Variants in ANGPT2 observed in about 807,000 individuals in gnomAD.
The protein encoded by ANGPT2 is angiopoietin-2.
A neutral mutation model predicts 62.9 loss-of-function variants in ANGPT2; 28 were observed. The observed-to-expected ratio is 0.44, with a 90% confidence interval of 0.33 to 0.61. The LOEUF (loss-of-function observed/expected upper bound fraction) is 0.61, where lower values mean the gene tolerates loss of function less well. Ranked by LOEUF, ANGPT2 falls within the 20% of genes least tolerant of loss-of-function variation. The probability of loss-of-function intolerance (pLI) is 0.03; values close to 1 mark genes in which losing one functional copy is unlikely to be tolerated. For missense variants in ANGPT2, 727 were observed against 594.9 expected (o/e 1.22, Z -2.31); for synonymous variants, 284 against 207.8 (o/e 1.37, Z -3.15).
intron 1 of ANGPT2, among the ~76,000 whole-genome samples, chr8:6,555,555 G>T (rs1356254693): frequency 6.6e-6 from 1 of 151,516 alleles, no homozygotes; most frequent in African/African-American, 2.4e-5. Context: ...TGTGCCTCCT[G>T]GGTTCAAATG....
chr8:6,532,265 T>C (rs1767671997), intron 2 of ANGPT2, 67 bp downstream of exon 2: 2 of 1,586,668 alleles, frequency 1.3e-6, no homozygotes, highest in Admixed American at 3.5e-5. Context: ...TTGAGGAAGC[T>C]CCTGACGCGA....
chr8:6,527,724 T>C, intron 2 of ANGPT2, 48 bp from the exon 3 acceptor site: 2 of 1,488,594 alleles, frequency 1.3e-6, no homozygotes, highest in South Asian at 1.3e-5. Flanking sequence ...TTAATTAGTT[T>C]AACTTTCTAA....
chr8:6,548,044 G>C (rs1822927099), intron 1 of ANGPT2, among the ~76,000 whole-genome samples: 1 of 152,132 alleles, frequency 6.6e-6, no homozygotes, highest in African/African-American at 2.4e-5. Context: ...CCAAGTGCCA[G>C]CTTAAACTTT....
At chr8:6,512,630 A>T (rs976707658) in intron 7 of ANGPT2, among the ~76,000 whole-genome samples, 1 of 152,106 alleles carries the variant, frequency 6.6e-6, no homozygotes, top group Non-Finnish European at 1.5e-5. Context: ...GAGTGCCTCT[A>T]TGTGCCTTGT....
intron 1 of ANGPT2, 73 bp downstream of exon 1, chr8:6,562,574 T>TTTTTAAAAAA: frequency 1.7e-6 from 1 of 583,796 alleles, no homozygotes; most frequent in Non-Finnish European, 2.6e-6. Flanking sequence ...TTTTTTTTGG[T>TTTTTAAAAAA]TGTTAAAACC....
chr8:6,542,876 C>T (rs949113180), intron 1 of ANGPT2, among the ~76,000 whole-genome samples: 4 of 152,114 alleles, frequency 2.6e-5, no homozygotes, highest in African/African-American at 9.7e-5. Flanking sequence ...AAAAGGCTAG[C>T]GAAACTTAGA....
rs928756380 is a variant in ANGPT2, at chr8:6,500,719, G to A, written c.*2382C>T. The A allele has an allele frequency of 2.0e-5, 3 of 152,154 alleles. No homozygotes were observed. The highest frequency in any genetic ancestry group is 7.2e-5 in the African/African-American group (3 of 41,438). The allele number at this position is 152,154 out of a possible 1,614,324, so 9.4% of individuals were successfully genotyped here. A position where few individuals can be genotyped will look rare whatever the true frequency, so the allele number is the denominator to read the frequency against. On this transcript the variant is annotated 3_prime_UTR_variant, in exon 9 of 9. Transcript: ENST00000629816. The stretch of plus-strand genomic sequence containing the variant: ...AGCTTTATAAACATTTTCTTAAGGA[G>A]AGACAAAAGCTCCTCTCAGCAAAAC...
chr8:6,504,662 A>G (rs1439632279), intron 8 of ANGPT2, among the ~76,000 whole-genome samples: 1 of 152,186 alleles, frequency 6.6e-6, no homozygotes, highest in African/African-American at 2.4e-5. Flanking sequence ...TGACTTAATA[A>G]GGAGAGAAAA....
chr8:6,518,251 C>G (rs905215079), intron 5 of ANGPT2, among the ~76,000 whole-genome samples: 1 of 152,150 alleles, frequency 6.6e-6, no homozygotes, highest in African/African-American at 2.4e-5. Flanking sequence ...CACTCCTGTC[C>G]CCAGGCCAAG....
chr8:6,561,796 A>G (rs897559918), intron 1 of ANGPT2, among the ~76,000 whole-genome samples: 2 of 152,156 alleles, frequency 1.3e-5, no homozygotes, highest in Non-Finnish European at 2.9e-5. Context: ...AAAATTATTT[A>G]TGAAAGAAAA....
chr8:6,541,346 G>A (rs1436229933), intron 1 of ANGPT2, among the ~76,000 whole-genome samples: 1 of 152,184 alleles, frequency 6.6e-6, no homozygotes. Context: ...AGGCTAGTGG[G>A]TAACTCGGGG....
Position 6,503,155 on chromosome 8 carries a change from G to C in ANGPT2, c.1434C>G (p.Gly478=), listed in dbSNP as rs781086750. The C allele has an allele frequency of 6.8e-6, 11 of 1,614,078 alleles. No homozygotes were observed. The Admixed American group carries it at 1.8e-4, about 27-fold the overall frequency. The change falls in exon 9 of 9, where the codon GGC becomes GGG. Residue 478 remains glycine (G), a synonymous_variant. Transcript: ENST00000629816. ...TTGTGGCCTTGAGCGAATAGCCTGA[G>C]CCTTTCCAGTAGTACCATTTAATGC... ...FNGIKWYYWK[G]SGYSLKATTM...
chr8:6,532,234 C>A lies in ANGPT2; in HGVS notation c.444+98G>T, dbSNP rs1586425219. ...TCCTTTTCTCCTGTGGTGGTGCTTT[C>A]TTTAGTTTCTCATGCCTTCATTGAG... On this transcript the variant is annotated intron_variant, in intron 2 of 8. Transcript: ENST00000629816. 20 of 1,396,142 alleles carry A rather than the reference C, an allele frequency of 1.4e-5. No homozygotes were observed. The East Asian group carries it at 4.6e-4, about 32-fold the overall frequency. 86.5% of individuals were successfully genotyped at this position (1,396,142 alleles called of 1,614,324 possible).
chr8:6,545,063 G>A (rs918452274), intron 1 of ANGPT2, among the ~76,000 whole-genome samples: 4 of 152,014 alleles, frequency 2.6e-5, no homozygotes, highest in Admixed American at 2.6e-4. Context: ...ACATCATGTT[G>A]GGTCACAGAA....
chr8:6,513,368 T>A (rs950494324), intron 7 of ANGPT2, among the ~76,000 whole-genome samples: 2 of 151,370 alleles, frequency 1.3e-5, no homozygotes, highest in Admixed American at 1.3e-4. Context: ...AGTCTTGCTC[T>A]GTCGCCCAGG....
At position 6,524,768 on chromosome 8, in the gene ANGPT2, A is replaced by C. The variant is rs200617472; in HGVS notation, c.566+2787T>G. On this transcript the variant is annotated intron_variant, in intron 3 of 8. Coordinates refer to ENST00000629816, the MANE Select transcript of ANGPT2 (RefSeq NM_001118887.2). ...TTGAGGAAAAACTACCCTTGTGGCC[A>C]TGTAAGGTCTGTAAATAGAAGTTAT... Among the ~76,000 whole-genome samples, 12 of 152,344 alleles carry C rather than the reference A, an allele frequency of 7.9e-5. No homozygotes were observed. In the East Asian group the frequency reaches 1.5e-3, roughly 20 times the overall value.
intron 6 of ANGPT2, among the ~76,000 whole-genome samples, 180 bp from the exon 7 acceptor site, chr8:6,514,024 C>T (rs2442628): frequency 0.092 from 13,964 of 152,136 alleles, 892 homozygotes; most frequent in African/African-American, 0.18. Context: ...AGTTATTAGA[C>T]ACTAAGCTGC....
At chr8:6,531,223 C>T (rs1019930943) in intron 2 of ANGPT2, among the ~76,000 whole-genome samples, 9 of 151,690 alleles carry the variant, frequency 5.9e-5, no homozygotes, top group African/African-American at 1.2e-4. Flanking sequence ...GCATGTCTCT[C>T]GGTGAATTTT....
chr8:6,509,175 A>C (rs1019600771), intron 7 of ANGPT2, 113 bp from the exon 8 acceptor site: 2 of 1,325,594 alleles, frequency 1.5e-6, no homozygotes, highest in Non-Finnish European at 2.1e-6. Context: ...TGTACTCGTT[A>C]ATGGACTAAT....
Sources: allele counts gnomAD v4.1 joint callset (sites outside exome capture counted in the v4.1 genomes callset), GRCh38; gene constraint gnomAD v4.1.1; transcripts MANE v1.5; gene names NCBI Gene and HGNC (gene_info 2026-07-23, HGNC 2026-07-21).